Variants in PTPN23 observed in about 807,000 individuals in gnomAD.
PTPN23 encodes tyrosine-protein phosphatase non-receptor type 23.
In PTPN23, 72 loss-of-function variants were observed where a neutral mutation model predicts 156.3. The observed-to-expected ratio is 0.46, with a 90% CI of 0.38 to 0.56. The LOEUF (loss-of-function observed/expected upper bound fraction) is 0.56. Ranked by LOEUF, PTPN23 falls within the 20% of genes least tolerant of loss-of-function variation. The pLI is 0.00. For missense variants in PTPN23, 1,974 were observed against 2,171.5 expected (o/e 0.91, Z 1.81); for synonymous variants, 957 against 899.6 (o/e 1.06, Z -1.14).
In PTPN23 at chr3:47,408,906, C is replaced by T. The variant is rs1239773429; in HGVS notation, c.1461C>T (p.Ser487=). ...AGGCAGGGGCCATCTCCATCACCTC[C>T]AAGGCTGAGCTGGCAGAGGTGAGGC... The part of the protein sequence containing the change: ...VGQAGAISIT[S]KAELAEVRRE... The change falls in exon 16 of 25, where the codon TCC becomes TCT. Residue 487 remains serine (S), a synonymous_variant. Transcript: ENST00000265562. 5 of 1,614,120 alleles carry T rather than the reference C, an allele frequency of 3.1e-6. No homozygotes were observed. In the African/African-American group the frequency reaches 4.0e-5, roughly 13 times the overall value.
chr3:47,411,852 T>C lies in PTPN23; in HGVS notation c.3958T>C (p.Leu1320=), dbSNP rs1705304494. ...PMVHGALSLA[L]SSVRSTETHV... is the part of the protein sequence containing the mutation. ...GGTGCACGGTGCCCTGAGCCTGGCA[T>C]TGAGCAGCGTCCGCAGCACCGAAAC... The change falls in exon 21 of 25, where the codon TTG becomes CTG. Residue 1320 remains leucine (L), a synonymous_variant. Coordinates refer to ENST00000265562, the MANE Select transcript of PTPN23 (RefSeq NM_015466.4). The surrounding 1 kb of genome is among the most constrained non-coding windows in gnomAD (Gnocchi z 6.3). The C allele has an allele frequency of 1.2e-6, 2 of 1,612,380 alleles. No homozygotes were observed. Among genetic ancestry groups the C allele is most frequent in the Admixed American group, 3.3e-5 (2 of 59,844 alleles).
intron 2 of PTPN23, among the ~76,000 whole-genome samples, chr3:47,403,644 T>A (rs1255773695): frequency 6.6e-6 from 1 of 152,160 alleles, no homozygotes; most frequent in African/African-American, 2.4e-5. Context: ...TCTTTTCCCG[T>A]CGGCCTCCCA....
chr3:47,388,099 C>T (rs1704691751), intron 1 of PTPN23, among the ~76,000 whole-genome samples: 1 of 152,210 alleles, frequency 6.6e-6, no homozygotes, highest in Non-Finnish European at 1.5e-5. Flanking sequence ...CTTGAGCTGT[C>T]ACAAAGATTA....
chr3:47,386,644 A>G (rs1028172758), intron 1 of PTPN23, among the ~76,000 whole-genome samples: 6 of 152,308 alleles, frequency 3.9e-5, no homozygotes, highest in Admixed American at 6.5e-5. Flanking sequence ...ATAGAAAGGT[A>G]AATAAGAGGA....
rs752849441 is a variant in PTPN23, at chr3:47,409,697, C to T, written c.1992C>T (p.Ala664=). 5.0e-6 allele frequency: 8 copies of T among 1,609,396 alleles called. No homozygotes were observed. Among genetic ancestry groups the T allele is most frequent in the Middle Eastern group, 1.7e-4 (1 of 6,058 alleles). The change falls in exon 19 of 25, where the codon GCC becomes GCT. Residue 664 remains alanine (A), a synonymous_variant. Transcript: ENST00000265562. The stretch of plus-strand genomic sequence containing the variant: ...AGACCCTGGTGGCCTCGTATGAAGC[C>T]TATGAGGACCTGATGAAGAAGTCGC... ...TLQTLVASYE[A]YEDLMKKSQE...
chr3:47,410,716 A>G lies in PTPN23; in HGVS notation c.2918A>G (p.Gln973Arg). The change falls in exon 20 of 25, where the codon CAG becomes CGG. Residue 973 changes from glutamine (Q) to arginine (R), a missense_variant. Transcript: ENST00000265562. Reference protein sequence around the residue: ...PSQAFGPQPPQQPLPLQHPHL... With the variant: ...PSQAFGPQPPRQPLPLQHPHL... ...CAAGCGTTTGGGCCTCAGCCCCCACAGCAGCCCCTTCCACTCCAGCATCCA... is the reference window on the plus strand; with the variant it reads ...CAAGCGTTTGGGCCTCAGCCCCCACGGCAGCCCCTTCCACTCCAGCATCCA... 1 of 1,569,300 alleles carries G rather than the reference A, an allele frequency of 6.4e-7. No homozygotes were observed. The highest frequency in any genetic ancestry group is 8.6e-7 in the Non-Finnish European group (1 of 1,162,590).
rs1302909300 is a variant in PTPN23, at chr3:47,412,866, C to T, written c.4592C>T (p.Pro1531Leu). ...CCTGCAGAGCCCCCAGGCCTCCCGC[C>T]AGCCAGCCTCCCAGAGTCTACCCCA... ...PGPAEPPGLP[P>L]ASLPESTPIP... Residue 1531 changes from proline (P) to leucine (L), a missense_variant, in exon 25 of 25, where the codon CCA becomes CTA. Physicochemically the swap from Pro to Leu is moderately conservative, Grantham distance 98. Coordinates refer to ENST00000265562, the MANE Select transcript of PTPN23 (RefSeq NM_015466.4). 1 of 1,612,606 alleles carries T rather than the reference C, an allele frequency of 6.2e-7. No individual in the cohort carries two copies. The highest frequency in any genetic ancestry group is 1.1e-5 in the South Asian group (1 of 91,064).
chr3:47,407,633 G>C lies in PTPN23; in HGVS notation c.1003+49G>C. 1 of 1,605,244 alleles carries C rather than the reference G, an allele frequency of 6.2e-7. No individual in the cohort carries two copies. Among genetic ancestry groups the C allele is most frequent in the Non-Finnish European group, 8.5e-7 (1 of 1,172,190 alleles). On this transcript the variant is annotated intron_variant, in intron 12 of 24. Transcript: ENST00000265562. This position sits in a 1 kb window ranked among gnomAD's most constrained non-coding sequence, Gnocchi z 4.0. ...CAGAGGTGACGGTGGGGTGGGGACA[G>C]GACACAGGAGGCTGCCTCAAGGACT...
chr3:47,394,444 G>A (rs775110063), intron 1 of PTPN23, among the ~76,000 whole-genome samples: 3 of 152,190 alleles, frequency 2.0e-5, no homozygotes, highest in Admixed American at 6.5e-5. Context: ...CAATTCCCAA[G>A]TACTATTGGC....
intron 1 of PTPN23, among the ~76,000 whole-genome samples, chr3:47,389,203 A>C (rs944209773): frequency 6.6e-6 from 1 of 152,196 alleles, no homozygotes; most frequent in Admixed American, 6.5e-5. Flanking sequence ...GCCTATTGTA[A>C]ACAATATTTT....
rs573901002 is a variant in PTPN23, at chr3:47,406,509, G to C, written c.656G>C (p.Arg219Pro). ...QVVDYYKEAC[R>P]ALENPDTASL... ...GTAGATTACTACAAGGAGGCATGCC[G>C]GGCCTTGGAGAACCCCGACACTGCC... is the stretch of plus-strand genomic sequence containing the variant. Residue 219 changes from arginine (R) to proline (P), a missense_variant, in exon 8 of 25, where the codon CGG (arginine) becomes CCG (proline). Arg to Pro is a moderately radical substitution (Grantham distance 103). Coordinates refer to ENST00000265562, the MANE Select transcript of PTPN23 (RefSeq NM_015466.4). This position sits in a 1 kb window ranked among gnomAD's most constrained non-coding sequence, Gnocchi z 5.8. 1 of 1,613,996 alleles carries C rather than the reference G, an allele frequency of 6.2e-7. No homozygotes were observed. The highest frequency in any genetic ancestry group is 1.1e-5 in the South Asian group (1 of 91,084).
rs1436186237 is a variant in PTPN23 at position 47,411,187 on chromosome 3, G to T, written c.3389G>T (p.Gly1130Val). Residue 1130 changes from glycine (G) to valine (V), a missense_variant, in exon 20 of 25, where the codon GGC becomes GTC. Around this residue, in one of 4 missense-constraint regions of PTPN23, gnomAD observed 731 missense variants for 669.1 expected, o/e 1.09. Coordinates refer to ENST00000265562, the MANE Select transcript of PTPN23 (RefSeq NM_015466.4). This position sits in a 1 kb window ranked among gnomAD's most constrained non-coding sequence, Gnocchi z 6.3. ...LSSSPESQHG[G>V]TQSPGGGQPL... ...TCCAGCCCGGAGAGCCAGCATGGCG[G>T]CACTCAGTCTCCTGGGGGTGGGCAG... 1 of 1,602,698 alleles carries T rather than the reference G, an allele frequency of 6.2e-7. No individual in the cohort carries two copies. The highest frequency in any genetic ancestry group is 1.3e-5 in the African/African-American group (1 of 74,878).
intron 1 of PTPN23, among the ~76,000 whole-genome samples, chr3:47,388,218 AT>A (rs1185086174): frequency 6.6e-6 from 1 of 151,948 alleles, no homozygotes; most frequent in African/African-American, 2.4e-5. Context: ...TTTTATTTTT[AT>A]TTTTTTAGAG....
intron 1 of PTPN23, among the ~76,000 whole-genome samples, chr3:47,386,754 G>A (rs141533341): frequency 1.7e-3 from 258 of 152,228 alleles, no homozygotes; most frequent in African/African-American, 5.7e-3. Flanking sequence ...TCACAGATTT[G>A]GAGTCACCCA....
chr3:47,383,252 G>C (rs1427922858), intron 1 of PTPN23, among the ~76,000 whole-genome samples: 1 of 152,136 alleles, frequency 6.6e-6, no homozygotes, highest in Non-Finnish European at 1.5e-5. Flanking sequence ...AATTCCTCCT[G>C]CCTAGAAGAG....
chr3:47,388,953 C>T (rs1704711693), intron 1 of PTPN23, among the ~76,000 whole-genome samples: 1 of 152,144 alleles, frequency 6.6e-6, no homozygotes, highest in Non-Finnish European at 1.5e-5. Flanking sequence ...GTGTGAGCCA[C>T]CACGCCCAGC....
chr3:47,412,420 A>C lies in PTPN23; in HGVS notation c.4316A>C (p.Lys1439Thr), dbSNP rs759186460. 45 of 1,612,764 alleles carry C rather than the reference A, an allele frequency of 2.8e-5. No individual in the cohort carries two copies. The highest frequency in any genetic ancestry group is 1.6e-4 in the East Asian group (7 of 44,888). ...RQQRKHMLQEKLHLRFCYEAV... is the reference protein window; with the variant it reads ...RQQRKHMLQETLHLRFCYEAV... The stretch of plus-strand genomic sequence containing the variant: ...CAGAGAAAGCACATGCTGCAGGAGA[A>C]GGTGAGGATCTGGGCAGATGGGGCT... Residue 1439 changes from lysine to threonine, a missense_variant and splice_region_variant, in exon 23 of 25, where the codon AAG becomes ACG. By Grantham distance (78) the Lys-to-Thr change is moderately conservative (BLOSUM62 -1). Around this residue, in one of 4 missense-constraint regions of PTPN23, gnomAD observed 484 missense variants for 516.0 expected, o/e 0.94. Coordinates refer to ENST00000265562, the MANE Select transcript of PTPN23 (RefSeq NM_015466.4).
chr3:47,383,379 TTCTTA>T (rs748361015), intron 1 of PTPN23, among the ~76,000 whole-genome samples: 5 of 152,196 alleles, frequency 3.3e-5, no homozygotes, highest in African/African-American at 4.8e-5. Flanking sequence ...TGCAGAGCCT[TTCTTA>T]ATCTTTCTAC....
chr3:47,403,596 A>G (rs1705051047), intron 2 of PTPN23, among the ~76,000 whole-genome samples: 1 of 152,130 alleles, frequency 6.6e-6, no homozygotes, highest in Non-Finnish European at 1.5e-5. Flanking sequence ...TGGCACAACC[A>G]TAGCTCACTG....
Sources: gnomAD v4.1 joint callset for allele counts (sites outside exome capture counted in the v4.1 genomes callset) on GRCh38, gnomAD v4.1.1 for gene constraint, gnomAD v4.1.1 regional missense constraint, Gnocchi (gnomAD v3.1) non-coding constraint, MANE v1.5 for transcripts, NCBI Gene and HGNC (gene_info 2026-07-23, HGNC 2026-07-21) for gene names.